KDM6A: variants seen among roughly 807,000 people sequenced by gnomAD.
KDM6A encodes the protein lysine demethylase 6A.
KDM6A carries 11 observed loss-of-function variants against 117.6 expected under a neutral mutation model. The ratio of observed to expected loss-of-function variants is 0.09; its 90% CI spans 0.06 to 0.15. The LOEUF (loss-of-function observed/expected upper bound fraction) is 0.15. Among genes scored for constraint, KDM6A ranks in the 10% least tolerant of loss-of-function variants. The pLI is 1.00. For missense variants in KDM6A, 799 were observed against 1,077.3 expected (o/e 0.74, Z 3.62); for synonymous variants, 384 against 396.1 (o/e 0.97, Z 0.36).
At chrX:45,091,829 C>A (rs754916798) in intron 27 of KDM6A, among the ~76,000 whole-genome samples, 1 of 111,664 alleles carries the variant, frequency 9.0e-6, no homozygotes, top group Non-Finnish European at 1.9e-5. Context: ...ATTTGGTCAG[C>A]ATGTGTTGTT....
In KDM6A at chrX:44,926,057, T is replaced by TTCCC. The variant is rs757471265; in HGVS notation, c.226-35209_226-35206dup. 9.2e-5 allele frequency among the ~76,000 whole-genome samples: 10 copies of TTCCC among 108,320 alleles called. No individual in the cohort carries two copies. In the South Asian group the frequency reaches 3.4e-3, roughly 37 times the overall value. 94.1% of individuals were successfully genotyped at this position (108,320 alleles called of 115,157 possible). On this transcript the variant is annotated intron_variant, in intron 2 of 29. Coordinates refer to ENST00000611820, the MANE Select transcript of KDM6A (RefSeq NM_001291415.2). The stretch of plus-strand genomic sequence containing the variant: ...GTTGTTATTAAGTGTTTAAGGATCT[T>TTCCC]TCCCTCCCTCCCTCCCTCCCTTCCT...
chrX:45,078,293 A>G (rs1195010421), intron 19 of KDM6A, 107 bp from the exon 20 acceptor site: 1 of 778,409 alleles, frequency 1.3e-6, no homozygotes, highest in Non-Finnish European at 1.9e-6. Context: ...TCACCCCATA[A>G]AATGCGTTAT....
intron 2 of KDM6A, among the ~76,000 whole-genome samples, chrX:44,947,259 T>C (rs1227277890): frequency 9.0e-6 from 1 of 111,455 alleles, no homozygotes; most frequent in African/African-American, 3.3e-5. Flanking sequence ...AATGTGATAG[T>C]ACTGTGTTTG....
intron 8 of KDM6A, among the ~76,000 whole-genome samples, chrX:45,045,755 A>G (rs1336187276): frequency 9.0e-6 from 1 of 111,262 alleles, no homozygotes; most frequent in East Asian, 2.8e-4. Flanking sequence ...TTGTTTATCC[A>G]TTTCATCTGT....
At chrX:44,927,544 C>T (rs915926076) in intron 2 of KDM6A, among the ~76,000 whole-genome samples, 2 of 110,172 alleles carry the variant, frequency 1.8e-5, no homozygotes, top group Non-Finnish European at 3.8e-5. Flanking sequence ...TGCACATGCT[C>T]AGGAGAGAGC....
chrX:45,090,900 T>TTTTGGGCTGTG, intron 27 of KDM6A, 36 bp downstream of exon 27: 1 of 1,190,904 alleles, frequency 8.4e-7, no homozygotes, highest in Non-Finnish European at 1.1e-6. Context: ...GTCCCTCTCT[T>TTTTGGGCTGTG]TTTGGGGAGT....
chrX:44,936,324 T>TG (rs1442540596), intron 2 of KDM6A, among the ~76,000 whole-genome samples: 2 of 109,001 alleles, frequency 1.8e-5, no homozygotes, highest in African/African-American at 6.7e-5. Context: ...TAAGGTAATA[T>TG]TTTTTTTTTC....
In KDM6A at chrX:45,082,597, C is replaced by T. The variant is rs1443055200; in HGVS notation, c.3322C>T (p.His1108Tyr). Residue 1108 changes from histidine (H) to tyrosine (Y), a missense_variant, in exon 22 of 30, where the codon CAT (histidine) becomes TAT (tyrosine). Physicochemically the swap from His to Tyr is moderately conservative, Grantham distance 83 (BLOSUM62 2). This residue lies in a region of KDM6A where 291 missense variants were observed against 437.9 expected (regional missense o/e 0.66). Transcript: ENST00000611820. ...SLREENEKRSHHKDHSDSEST... is the reference protein window; with the variant it reads ...SLREENEKRSYHKDHSDSEST... ...ATAGGAAGAAAATGAAAAAAGAAGT[C>T]ATCATAAAGACCACTCAGATAGTGA... 2 of 1,193,412 alleles carry T rather than the reference C, an allele frequency of 1.7e-6. No homozygotes were observed. The highest frequency in any genetic ancestry group is 2.3e-6 in the Non-Finnish European group (2 of 880,443).
intron 28 of KDM6A, 50 bp from the exon 29 acceptor site, chrX:45,110,029 A>C (rs756864232): frequency 5.6e-6 from 6 of 1,065,363 alleles, no homozygotes; most frequent in Middle Eastern, 2.6e-4. Context: ...AAAGCAGTAC[A>C]GTAAATACCA....
At chrX:44,934,343 A>G (rs1244335298) in intron 2 of KDM6A, among the ~76,000 whole-genome samples, 1 of 111,950 alleles carries the variant, frequency 8.9e-6, no homozygotes, top group Non-Finnish European at 1.9e-5. Flanking sequence ...TTTGTCTGGT[A>G]TTAAGTTGGA....
chrX:44,954,975 A>G (rs1297457383), intron 2 of KDM6A, among the ~76,000 whole-genome samples: 1 of 111,437 alleles, frequency 9.0e-6, no homozygotes, highest in African/African-American at 3.3e-5. Context: ...TTAGATGTGT[A>G]GGCATAAAGA....
intron 2 of KDM6A, among the ~76,000 whole-genome samples, chrX:44,917,999 A>G (rs1266711656): frequency 2.7e-5 from 3 of 111,943 alleles, no homozygotes; most frequent in East Asian, 2.8e-4. Flanking sequence ...ACAACTGGAC[A>G]TATTCTTGAG....
At chrX:45,005,573 G>T (rs570811260) in intron 4 of KDM6A, among the ~76,000 whole-genome samples, 1 of 110,891 alleles carries the variant, frequency 9.0e-6, no homozygotes, top group East Asian at 2.8e-4. Context: ...TTTGAGGATG[G>T]GTCTTTGAGT....
intron 2 of KDM6A, among the ~76,000 whole-genome samples, chrX:44,909,478 A>AC (rs941156462): frequency 1.6e-4 from 17 of 108,765 alleles, no homozygotes; most frequent in African/African-American, 5.4e-4. Context: ...GCCACCCTTC[A>AC]CCCCCCCACC....
chrX:45,040,617 C>CG (rs1342824646), intron 8 of KDM6A, among the ~76,000 whole-genome samples: 2 of 86,587 alleles, frequency 2.3e-5, no homozygotes, highest in East Asian at 4.1e-4. Flanking sequence ...GCTGGCCAGG[C>CG]GGGGGGCTGA....
intron 3 of KDM6A, among the ~76,000 whole-genome samples, chrX:44,963,475 G>GTCTGTCTGTCTGTC (rs772898385): frequency 4.0e-5 from 1 of 24,843 alleles, no homozygotes; most frequent in African/African-American, 1.2e-4. Flanking sequence ...GTGTGTGTGT[G>GTCTGTCTGTCTGTC]TGTGTGTGTG....
intron 8 of KDM6A, among the ~76,000 whole-genome samples, chrX:45,038,451 C>T (rs1390867890): frequency 9.0e-6 from 1 of 110,800 alleles, no homozygotes; most frequent in Non-Finnish European, 1.9e-5. Context: ...TCTTGATGTC[C>T]TTGCCATTAA....
chrX:45,082,599 T>C lies in KDM6A; in HGVS notation c.3324T>C (p.His1108=), dbSNP rs1268643854. The change falls in exon 22 of 30, where the codon CAT becomes CAC. Residue 1108 remains histidine (H), a synonymous_variant. Coordinates refer to ENST00000611820, the MANE Select transcript of KDM6A (RefSeq NM_001291415.2). ...AGGAAGAAAATGAAAAAAGAAGTCA[T>C]CATAAAGACCACTCAGATAGTGAAT... ...SLREENEKRS[H]HKDHSDSEST... 1.7e-6 allele frequency: 2 copies of C among 1,193,975 alleles called. No individual in the cohort carries two copies. Among genetic ancestry groups the C allele is most frequent in the Non-Finnish European group, 1.1e-6 (1 of 880,686 alleles).
chrX:45,049,056 A>G (rs1487246090), intron 8 of KDM6A, among the ~76,000 whole-genome samples: 2 of 111,416 alleles, frequency 1.8e-5, no homozygotes, highest in African/African-American at 3.3e-5. Context: ...CTTGGCATAC[A>G]TATTCCAAGA....
Sources: allele counts gnomAD v4.1 joint callset (sites outside exome capture counted in the v4.1 genomes callset), GRCh38; gene constraint gnomAD v4.1.1; regional missense constraint gnomAD v4.1.1; transcripts MANE v1.5; gene names NCBI Gene and HGNC (gene_info 2026-07-23, HGNC 2026-07-21).